Variants in DIP2C observed in about 807,000 individuals in gnomAD.
The protein encoded by DIP2C is disco-interacting protein 2 homolog C.
DIP2C carries 33 observed loss-of-function variants against 192.4 expected under a neutral mutation model. The ratio of observed to expected loss-of-function variants is 0.17; its 90% confidence interval spans 0.13 to 0.23. The LOEUF is 0.23. Among genes scored for constraint, DIP2C ranks in the 10% least tolerant of loss-of-function variants. The probability of loss-of-function intolerance (pLI) is 1.00; values close to 1 mark genes in which losing one functional copy is unlikely to be tolerated. For synonymous variants in DIP2C, 979 were observed against 864.1 expected, an observed-to-expected ratio of 1.13 and a Z score of -2.33; for missense variants, 1,537 against 2,110.1, an observed-to-expected ratio of 0.73 and a Z score of 5.32.
rs1303622260 is a variant in DIP2C, at chr10:418,258, A to G, written c.739+807T>C. ...TTCGATAGGCCTCCCTGTTCACTGC[A>G]CCTGTCAGGCCTCAGATAGGCATCC... is the stretch of plus-strand genomic sequence containing the variant. On this transcript the variant is annotated intron_variant, in intron 6 of 36. Coordinates refer to ENST00000280886, the MANE Select transcript of DIP2C (RefSeq NM_014974.3). Among the ~76,000 whole-genome samples, 16 of 122,582 alleles carry G rather than the reference A, an allele frequency of 1.3e-4. 1 individual carries two copies. The highest frequency in any genetic ancestry group is 5.1e-4 in the African/African-American group (16 of 31,084). The allele number at this position is 122,582 out of a possible 152,430, so 80.4% of individuals were successfully genotyped here. A position where few individuals can be genotyped will look rare whatever the true frequency, so the allele number is the denominator to read the frequency against.
rs140053908 is a variant in DIP2C at position 348,562 on chromosome 10, A to T, written c.3231+79T>A. On this transcript the variant is annotated intron_variant, in intron 26 of 36. Coordinates refer to ENST00000280886, the MANE Select transcript of DIP2C (RefSeq NM_014974.3). The stretch of plus-strand genomic sequence containing the variant: ...TTCCACAGCCAGCAGCTGCCCCAAG[A>T]GATGTCAGAGTCTGCGCGTTGCAAG... The T allele has an allele frequency of 5.1e-6, 8 of 1,555,596 alleles. No homozygotes were observed. In the African/African-American group the frequency reaches 1.1e-4, roughly 21 times the overall value.
chr10:330,554 G>A (rs1326916944), intron 29 of DIP2C, among the ~76,000 whole-genome samples: 1 of 152,018 alleles, frequency 6.6e-6, no homozygotes, highest in Non-Finnish European at 1.5e-5. Context: ...GTAGGGTGGT[G>A]TAATCATAGC....
chr10:680,027 G>T (rs1412100228), intron 1 of DIP2C, among the ~76,000 whole-genome samples: 1 of 152,164 alleles, frequency 6.6e-6, no homozygotes, highest in South Asian at 2.1e-4. Context: ...AACAGCTGGG[G>T]ACACTGAGGT....
chr10:281,059 T>TA (rs1259182613), intron 36 of DIP2C, 141 bp downstream of exon 36: 29 of 1,224,600 alleles, frequency 2.4e-5, no homozygotes, highest in Non-Finnish European at 3.3e-5. Context: ...CCCCAAAAGA[T>TA]AAAGATTTAT....
At chr10:633,818 T>C (rs1229820378) in intron 1 of DIP2C, among the ~76,000 whole-genome samples, 1 of 152,186 alleles carries the variant, frequency 6.6e-6, no homozygotes, top group Non-Finnish European at 1.5e-5. Flanking sequence ...AGGTACGCGG[T>C]GGGGTGACCC....
chr10:537,870 G>T (rs948162204), intron 1 of DIP2C, among the ~76,000 whole-genome samples: 1 of 150,944 alleles, frequency 6.6e-6, no homozygotes, highest in Non-Finnish European at 1.5e-5. Context: ...GCTCACTGCA[G>T]CCTCCACCTC....
chr10:341,321 G>A lies in DIP2C; in HGVS notation c.3462C>T (p.His1154=), dbSNP rs201270323. ...TGMLAGVKMS[H]AATSAFCRSI... ...AACGGCAGAAGGCACTGGTGGCTGC[G>A]TGAGACATCTGCAAAATACAAGGCT... Residue 1154 remains histidine (H), a synonymous_variant, in exon 29 of 37, where the codon CAC becomes CAT. Coordinates refer to ENST00000280886, the MANE Select transcript of DIP2C (RefSeq NM_014974.3). 235 of 1,613,950 alleles carry A rather than the reference G, an allele frequency of 1.5e-4. 4 individuals carry two copies. In the South Asian group the frequency reaches 2.4e-3, roughly 16 times the overall value.
Position 689,513 on chromosome 10 carries a change from C to T in DIP2C, c.66G>A (p.Leu22=). ...PLEVRARLAE[L]ELELSEGDIT... is the part of the protein sequence containing the mutation. ...GGTTACCTTCCGACAGCTCCAGCTC[C>T]AGCTCGGCCAGGCGCGCCCGCACCT... The change falls in exon 1 of 37, where the codon CTG becomes CTA. Residue 22 remains leucine, a synonymous_variant. Coordinates refer to ENST00000280886, the MANE Select transcript of DIP2C (RefSeq NM_014974.3). This position sits in a 1 kb window ranked among gnomAD's most constrained non-coding sequence, Gnocchi z 6.1. 1 of 1,287,458 alleles carries T rather than the reference C, an allele frequency of 7.8e-7. No homozygotes were observed. Among genetic ancestry groups the T allele is most frequent in the Non-Finnish European group, 1.0e-6 (1 of 998,068 alleles). The allele number at this position is 1,287,458 out of a possible 1,614,324, so 79.8% of individuals were successfully genotyped here.
intron 1 of DIP2C, chr10:664,121 G>C (rs1564321706): frequency 6.7e-6 from 1 of 149,778 alleles, no homozygotes; most frequent in South Asian, 2.1e-4. Context: ...TCCCACAAAG[G>C]CTCCTCTGGG....
chr10:579,328 T>C (rs990851434), intron 1 of DIP2C, among the ~76,000 whole-genome samples: 3 of 152,016 alleles, frequency 2.0e-5, no homozygotes, highest in African/African-American at 4.8e-5. Flanking sequence ...AATACGTGTG[T>C]ACATGCATAG....
chr10:436,412 G>A (rs1967204939), intron 4 of DIP2C, among the ~76,000 whole-genome samples: 1 of 152,194 alleles, frequency 6.6e-6, no homozygotes, highest in Non-Finnish European at 1.5e-5. Context: ...GTGGATGGGT[G>A]GAGAGCTCCA....
intron 14 of DIP2C, among the ~76,000 whole-genome samples, chr10:387,304 T>C (rs1287687760): frequency 6.6e-6 from 1 of 152,232 alleles, no homozygotes; most frequent in African/African-American, 2.4e-5. Context: ...TGTGGTGCAG[T>C]TGTGAACCAC....
intron 1 of DIP2C, among the ~76,000 whole-genome samples, chr10:554,039 TG>T (rs1848719361): frequency 6.6e-6 from 1 of 151,540 alleles, no homozygotes. Flanking sequence ...AGCTTGTAAC[TG>T]TAAGAGTGGC....
chr10:688,082 A>C (rs1831399533), intron 1 of DIP2C, among the ~76,000 whole-genome samples: 1 of 152,120 alleles, frequency 6.6e-6, no homozygotes. Context: ...TTTGCAAATG[A>C]TACACTCCTT....
At chr10:380,912 C>T (rs910253641) in intron 17 of DIP2C, among the ~76,000 whole-genome samples, 27 of 152,196 alleles carry the variant, frequency 1.8e-4, no homozygotes, top group Admixed American at 8.5e-4. Context: ...TCCAAAAACA[C>T]GCATCTGTCC....
At chr10:307,660 A>G (rs546101126) in intron 32 of DIP2C, among the ~76,000 whole-genome samples, 1 of 152,252 alleles carries the variant, frequency 6.6e-6, no homozygotes, top group South Asian at 2.1e-4. Flanking sequence ...AGAAAGGTCA[A>G]AGAGAGAACA....
chr10:394,106 G>A (rs1341960530), intron 10 of DIP2C, among the ~76,000 whole-genome samples: 1 of 152,184 alleles, frequency 6.6e-6, no homozygotes, highest in Non-Finnish European at 1.5e-5. Flanking sequence ...CAGATTATCG[G>A]CATCCCTACA....
chr10:508,566 G>C lies in DIP2C; in HGVS notation c.86-22036C>G, dbSNP rs11252854. ...TTTCCTGTGAGCCGCTAAGCTCTTC[G>C]CAGCAAAGACCACTCAATGGTCTGG... On this transcript the variant is annotated intron_variant, in intron 1 of 36. Coordinates refer to ENST00000280886, the MANE Select transcript of DIP2C (RefSeq NM_014974.3). 2.6e-5 allele frequency among the ~76,000 whole-genome samples: 4 copies of C among 152,070 alleles called. No homozygotes were observed. In the South Asian group the frequency reaches 8.3e-4, roughly 32 times the overall value.
chr10:314,772 C>T (rs1477643006), intron 31 of DIP2C, among the ~76,000 whole-genome samples: 1 of 152,172 alleles, frequency 6.6e-6, no homozygotes, highest in Non-Finnish European at 1.5e-5. Flanking sequence ...TTCCTTTAGG[C>T]CTCTTTTATA....
Sources: gnomAD v4.1 joint callset for allele counts (sites outside exome capture counted in the v4.1 genomes callset) on GRCh38, gnomAD v4.1.1 for gene constraint, Gnocchi (gnomAD v3.1) non-coding constraint, MANE v1.5 for transcripts, NCBI Gene and HGNC (gene_info 2026-07-23, HGNC 2026-07-21) for gene names.